Variants in MAST4 observed in about 807,000 individuals in gnomAD.
The protein encoded by MAST4 is microtubule associated serine/threonine kinase family member 4.
MAST4 carries 89 observed loss-of-function variants against 162.7 expected under a neutral mutation model. That is an observed-to-expected ratio of 0.55 (90% CI 0.46 to 0.65). MAST4 has a LOEUF of 0.65. MAST4 is among the 30% of genes least tolerant of loss of function. MAST4 has a pLI of 0.00. For synonymous variants in MAST4, 1,479 were observed against 1,361.1 expected, an observed-to-expected ratio of 1.09 and a Z score of -1.91; for missense variants, 3,153 against 3,374.0, an observed-to-expected ratio of 0.93 and a Z score of 1.62.
At chr5:66,903,438 TTGTGTGTGTGTGTG>T (rs3042310) in intron 4 of MAST4, among the ~76,000 whole-genome samples, 6 of 148,616 alleles carry the variant, frequency 4.0e-5, no homozygotes, top group South Asian at 2.1e-4. Context: ...ACACCTGTGT[TTGTGTGTGTGTGTG>T]TGTGTGTGTG....
chr5:66,670,373 C>T (rs1747531194), intron 1 of MAST4, among the ~76,000 whole-genome samples: 1 of 152,012 alleles, frequency 6.6e-6, no homozygotes, highest in African/African-American at 2.4e-5. Context: ...TACAATCATA[C>T]TAATTTGCAA....
At chr5:67,003,568 G>T (rs1751534577) in intron 4 of MAST4, among the ~76,000 whole-genome samples, 1 of 152,050 alleles carries the variant, frequency 6.6e-6, no homozygotes. Flanking sequence ...ATTTTTTGCT[G>T]AATATATACT....
chr5:67,132,540 T>C (rs1247970944), intron 16 of MAST4, among the ~76,000 whole-genome samples: 1 of 152,160 alleles, frequency 6.6e-6, no homozygotes, highest in African/African-American at 2.4e-5. Flanking sequence ...AAGTGCTTGA[T>C]GTTACATTCT....
chr5:67,133,756 A>C, intron 17 of MAST4, 110 bp downstream of exon 17: 1 of 1,219,220 alleles, frequency 8.2e-7, no homozygotes, highest in Non-Finnish European at 1.2e-6. Context: ...GGTGGTTTAG[A>C]TGTCTGTATA....
intron 4 of MAST4, among the ~76,000 whole-genome samples, chr5:66,932,654 A>G (rs1393287507): frequency 1.3e-5 from 2 of 152,180 alleles, no homozygotes; most frequent in Non-Finnish European, 1.5e-5. Flanking sequence ...AGTTTTCTCC[A>G]TATTGGGGTT....
chr5:66,618,528 AAATT>A (rs1271850723), intron 1 of MAST4, among the ~76,000 whole-genome samples: 4 of 152,178 alleles, frequency 2.6e-5, no homozygotes, highest in Non-Finnish European at 5.9e-5. Context: ...ATTTAAATAC[AAATT>A]TATGTCACCA....
At chr5:66,899,924 T>C (rs1391137953) in intron 3 of MAST4, 27 bp from the exon 4 acceptor site, 6 of 1,503,700 alleles carry the variant, frequency 4.0e-6, no homozygotes, top group Non-Finnish European at 5.3e-6. Context: ...CAGCATTGCT[T>C]ATATATGGTT....
intron 4 of MAST4, among the ~76,000 whole-genome samples, chr5:66,952,423 A>T (rs1354560126): frequency 6.6e-6 from 1 of 152,120 alleles, no homozygotes; most frequent in Non-Finnish European, 1.5e-5. Context: ...CCAGCTTCTT[A>T]TAAAGACCTG....
At chr5:67,134,740 A>G in intron 18 of MAST4, 52 bp downstream of exon 18, 3 of 1,459,262 alleles carry the variant, frequency 2.1e-6, no homozygotes, top group Non-Finnish European at 2.8e-6. Flanking sequence ...GCAGCTATTT[A>G]ATGTAAATCT....
intron 3 of MAST4, chr5:66,792,183 C>T (rs1391737766): frequency 6.0e-6 from 1 of 167,658 alleles, no homozygotes; most frequent in Non-Finnish European, 1.5e-5. Flanking sequence ...TTCTTCTCTT[C>T]AGCTTTCTCT....
At chr5:66,656,574 T>C (rs1024634780) in intron 1 of MAST4, among the ~76,000 whole-genome samples, 4 of 152,156 alleles carry the variant, frequency 2.6e-5, no homozygotes, top group Non-Finnish European at 4.4e-5. Context: ...ATGAGAAGAC[T>C]GTGGGGGTGG....
intron 5 of MAST4, among the ~76,000 whole-genome samples, chr5:67,070,419 C>A (rs759275833): frequency 2.0e-5 from 3 of 152,156 alleles, no homozygotes; most frequent in Non-Finnish European, 4.4e-5. Flanking sequence ...ATTTCTGTCA[C>A]GAGTGCAGTG....
chr5:66,957,717 C>T (rs1311952969), intron 4 of MAST4, among the ~76,000 whole-genome samples: 2 of 152,214 alleles, frequency 1.3e-5, no homozygotes, highest in Non-Finnish European at 2.9e-5. Flanking sequence ...ATCCTATAAA[C>T]CTCCACTGGC....
intron 4 of MAST4, among the ~76,000 whole-genome samples, chr5:67,031,976 A>G (rs1581262722): frequency 1.3e-5 from 2 of 152,296 alleles, no homozygotes; most frequent in Admixed American, 6.5e-5. Context: ...TCAGTTACTC[A>G]TCGTGACCTA....
intron 1 of MAST4, among the ~76,000 whole-genome samples, chr5:66,725,417 G>A (rs1404303893): frequency 6.6e-6 from 1 of 152,078 alleles, no homozygotes; most frequent in Non-Finnish European, 1.5e-5. Context: ...AGAATAAGAT[G>A]CCTGATGGTT....
At chr5:66,922,847 A>G (rs1031161853) in intron 4 of MAST4, among the ~76,000 whole-genome samples, 3 of 152,222 alleles carry the variant, frequency 2.0e-5, no homozygotes. Flanking sequence ...GGATATTCAC[A>G]GAAAGGAGAG....
At chr5:66,682,831 G>C (rs1226165198) in intron 1 of MAST4, among the ~76,000 whole-genome samples, 1 of 152,210 alleles carries the variant, frequency 6.6e-6, no homozygotes, top group East Asian at 1.9e-4. Flanking sequence ...TCAGCCTCCT[G>C]AGTAGCTGGG....
At chr5:66,607,961 T>C (rs1218222052) in intron 1 of MAST4, among the ~76,000 whole-genome samples, 2 of 152,184 alleles carry the variant, frequency 1.3e-5, no homozygotes, top group African/African-American at 4.8e-5. Flanking sequence ...AAAATGTATA[T>C]ATTTATGGTG....
At position 67,165,817 on chromosome 5, in the gene MAST4, C is replaced by A; in HGVS notation, c.6638C>A (p.Ser2213Tyr). ...PKTKHPDRSL[S>Y]SQKPSVGATK... is the part of the protein sequence containing the mutation. ...ACTAAGCACCCCGACCGGTCCCTCT[C>A]CTCTCAGAAACCAAGTGTCGGGGCC... Residue 2213 changes from serine to tyrosine, a missense_variant, in exon 29 of 29, where the codon TCC becomes TAC. Transcript: ENST00000403625. The A allele has an allele frequency of 1.2e-6, 2 of 1,612,740 alleles. No individual in the cohort carries two copies. Among genetic ancestry groups the A allele is most frequent in the Non-Finnish European group, 1.7e-6 (2 of 1,179,700 alleles).
Sources: allele counts gnomAD v4.1 joint callset (sites outside exome capture counted in the v4.1 genomes callset), GRCh38; gene constraint gnomAD v4.1.1; transcripts MANE v1.5; gene names NCBI Gene and HGNC (gene_info 2026-07-23, HGNC 2026-07-21).